The following PPP2CA variants were observed in gnomAD, a reference collection of about 807,000 sequenced individuals.
PPP2CA encodes protein phosphatase 2 catalytic subunit alpha.
A neutral mutation model predicts 38.8 loss-of-function variants in PPP2CA; 5 were observed. The observed-to-expected ratio is 0.13, with a 90% CI of 0.07 to 0.27. The LOEUF is 0.27. Ranked by LOEUF, PPP2CA falls within the 10% of genes least tolerant of loss-of-function variation. The probability of loss-of-function intolerance (pLI) is 1.00; values close to 1 mark genes in which losing one functional copy is unlikely to be tolerated. For synonymous variants in PPP2CA, 152 were observed against 134.0 expected (o/e 1.13, Z -0.93); for missense variants, 88 against 389.7 (o/e 0.23, Z 6.52).
intron 1 of PPP2CA, among the ~76,000 whole-genome samples, chr5:134,221,100 G>A (rs1301590872): frequency 6.6e-6 from 1 of 152,096 alleles, no homozygotes; most frequent in African/African-American, 2.4e-5. Context: ...GAAGCCAAGA[G>A]GATGAAAAGA....
chr5:134,209,055 G>T (rs978573832), intron 1 of PPP2CA, among the ~76,000 whole-genome samples: 1 of 152,132 alleles, frequency 6.6e-6, no homozygotes, highest in Non-Finnish European at 1.5e-5. Context: ...CTTAACTAGT[G>T]TATCTAGTAG....
intron 1 of PPP2CA, among the ~76,000 whole-genome samples, chr5:134,213,518 G>A (rs2149386626): frequency 6.6e-6 from 1 of 150,990 alleles, no homozygotes; most frequent in Non-Finnish European, 1.5e-5. Flanking sequence ...GGGCATAGTG[G>A]TACACACCTG....
chr5:134,199,009 C>A (rs1362331630), intron 6 of PPP2CA, 77 bp downstream of exon 6: 1 of 1,156,376 alleles, frequency 8.6e-7, no homozygotes, highest in Non-Finnish European at 1.3e-6. Context: ...TATAGTGACA[C>A]CCTCTCTCTC....
chr5:134,199,375 C>T, intron 5 of PPP2CA, 171 bp from the exon 6 acceptor site: 1 of 526,268 alleles, frequency 1.9e-6, no homozygotes, highest in South Asian at 3.0e-5. Context: ...CTTTATACAA[C>T]CTGTAAGGTA....
In PPP2CA at chr5:134,197,746, C is replaced by T; in HGVS notation, c.*26G>A. 1.3e-6 allele frequency: 2 copies of T among 1,569,250 alleles called. No homozygotes were observed. Among genetic ancestry groups the T allele is most frequent in the Non-Finnish European group, 1.8e-6 (2 of 1,139,570 alleles). The stretch of plus-strand genomic sequence containing the variant: ...CATTAGGTCGATATATGGTTCATGG[C>T]AATACTGTACAAGTTTAAAATTTCA... On this transcript the variant is annotated 3_prime_UTR_variant, in exon 7 of 7. Coordinates refer to ENST00000481195, the MANE Select transcript of PPP2CA (RefSeq NM_002715.4).
intron 1 of PPP2CA, among the ~76,000 whole-genome samples, chr5:134,220,471 A>AAAAAAAAAAAAAAAAAC (rs1762415135): frequency 6.6e-6 from 1 of 150,402 alleles, no homozygotes. Context: ...AAAAAAAAAA[A>AAAAAAAAAAAAAAAAAC]AAAAAAAGCC....
At chr5:134,214,020 T>C (rs567094412) in intron 1 of PPP2CA, among the ~76,000 whole-genome samples, 2 of 152,112 alleles carry the variant, frequency 1.3e-5, no homozygotes, top group South Asian at 2.1e-4. Context: ...TCCCAGCTAC[T>C]TGGGAGGCTG....
rs1405216166 is a variant in PPP2CA at position 134,194,391 on chromosome 5, AAAAC to A, written c.*3377_*3380del. 1 of 152,250 alleles carries A rather than the reference AAAAC, an allele frequency of 6.6e-6. No homozygotes were observed. Among genetic ancestry groups the A allele is most frequent in the Non-Finnish European group, 1.5e-5 (1 of 68,044 alleles). 9.4% of individuals were successfully genotyped at this position (152,250 alleles called of 1,614,324 possible). A position where few individuals can be genotyped will look rare whatever the true frequency, so the allele number is the denominator to read the frequency against. On this transcript the variant is annotated 3_prime_UTR_variant, in exon 7 of 7. Coordinates refer to ENST00000481195, the MANE Select transcript of PPP2CA (RefSeq NM_002715.4). ...AGCTCACAGAACCAAAATCCATCTG[AAAAC>A]AAACAAGCCTATTACCAAACTATAG...
chr5:134,218,789 C>T (rs1213440803), intron 1 of PPP2CA, among the ~76,000 whole-genome samples: 1 of 152,076 alleles, frequency 6.6e-6, no homozygotes, highest in African/African-American at 2.4e-5. Context: ...CTGCCTCAGC[C>T]TCCCGAGCAG....
At chr5:134,225,602 G>C (rs1321697585) in intron 1 of PPP2CA, 158 bp downstream of exon 1, 3 of 566,128 alleles carry the variant, frequency 5.3e-6, no homozygotes, top group Non-Finnish European at 8.8e-6. Context: ...GGGGCGCCGG[G>C]TCGTTAGGAA....
rs1390597619 is a variant in PPP2CA, at chr5:134,216,573, A to T, written c.102+9187T>A. ...AAAAAAAAAAGTGGTTTCCTTCAAA[A>T]GAAGGTAGTCAAACACCGAAGAACC... On this transcript the variant is annotated intron_variant, in intron 1 of 6. Transcript: ENST00000481195. 2.7e-5 allele frequency among the ~76,000 whole-genome samples: 4 copies of T among 145,582 alleles called. No homozygotes were observed. The South Asian group carries it at 8.7e-4, about 32-fold the overall frequency.
In PPP2CA at chr5:134,225,938, G is replaced by A. The variant is rs1272660954; in HGVS notation, c.-77C>T. 3.1e-5 allele frequency: 41 copies of A among 1,330,442 alleles called. No individual in the cohort carries two copies. The highest frequency in any genetic ancestry group is 4.1e-5 in the Non-Finnish European group (39 of 956,114). The allele number at this position is 1,330,442 out of a possible 1,614,324, so 82.4% of individuals were successfully genotyped here. A position where few individuals can be genotyped will look rare whatever the true frequency, so the allele number is the denominator to read the frequency against. ...CCCGCACACGGGCCTACACGCACAC[G>A]CCGCCGCCGGTTCCTCGTGTACTTC... On this transcript the variant is annotated 5_prime_UTR_variant, in exon 1 of 7. Coordinates refer to ENST00000481195, the MANE Select transcript of PPP2CA (RefSeq NM_002715.4).
At chr5:134,208,044 T>G (rs1215344092) in intron 1 of PPP2CA, among the ~76,000 whole-genome samples, 3 of 152,290 alleles carry the variant, frequency 2.0e-5, no homozygotes, top group South Asian at 2.1e-4. Flanking sequence ...CATATATTAA[T>G]GAAAATAACT....
At chr5:134,218,602 A>C (rs543376301) in intron 1 of PPP2CA, among the ~76,000 whole-genome samples, 84 of 152,220 alleles carry the variant, frequency 5.5e-4, no homozygotes, top group African/African-American at 2.0e-3. Flanking sequence ...ACAAGATTCA[A>C]CCACTCTGGG....
intron 1 of PPP2CA, among the ~76,000 whole-genome samples, chr5:134,210,909 A>C (rs752952861): frequency 1.3e-4 from 20 of 152,240 alleles, no homozygotes; most frequent in Non-Finnish European, 2.1e-4. Flanking sequence ...GACTGAAATG[A>C]ATGAATTTCA....
intron 1 of PPP2CA, among the ~76,000 whole-genome samples, chr5:134,221,644 A>G (rs1762445132): frequency 6.6e-6 from 1 of 152,160 alleles, no homozygotes; most frequent in African/African-American, 2.4e-5. Context: ...AGTATGTAAC[A>G]TGAATAGGAA....
At chr5:134,214,978 T>G (rs1465579594) in intron 1 of PPP2CA, among the ~76,000 whole-genome samples, 1 of 151,884 alleles carries the variant, frequency 6.6e-6, no homozygotes, top group Non-Finnish European at 1.5e-5. Context: ...TCGTTAACAT[T>G]ATGACATTAA....
chr5:134,199,997 T>C (rs1180768151), intron 5 of PPP2CA, among the ~76,000 whole-genome samples: 2 of 152,226 alleles, frequency 1.3e-5, no homozygotes, highest in Non-Finnish European at 2.9e-5. Context: ...CAGTCTCTCC[T>C]ACATACATAC....
chr5:134,224,232 T>C (rs961101157), intron 1 of PPP2CA: 1 of 453,062 alleles, frequency 2.2e-6, no homozygotes, highest in African/African-American at 2.0e-5. Context: ...AAGGCCAATT[T>C]TAAACCTTTA....
Sources: allele counts gnomAD v4.1 joint callset (sites outside exome capture counted in the v4.1 genomes callset), GRCh38; gene constraint gnomAD v4.1.1; transcripts MANE v1.5; gene names NCBI Gene and HGNC (gene_info 2026-07-23, HGNC 2026-07-21).